Variants in TLN2 observed in about 807,000 individuals in gnomAD.
The protein encoded by TLN2 is talin 2.
TLN2 carries 118 observed loss-of-function variants against 294.7 expected under a neutral mutation model. That is an observed-to-expected ratio of 0.40 (90% CI 0.34 to 0.47). TLN2 has a LOEUF of 0.47. Ranked by LOEUF, TLN2 falls within the 20% of genes least tolerant of loss-of-function variation. TLN2 has a pLI of 0.84. For synonymous variants in TLN2, 1,431 were observed against 1,304.5 expected, an observed-to-expected ratio of 1.10 and a Z score of -2.09; for missense variants, 3,083 against 3,282.2, an observed-to-expected ratio of 0.94 and a Z score of 1.48.
At chr15:62,482,188 C>A (rs1420846439) in intron 1 of TLN2, among the ~76,000 whole-genome samples, 1 of 152,164 alleles carries the variant, frequency 6.6e-6, no homozygotes, top group East Asian at 1.9e-4. Flanking sequence ...CCACCCCTTG[C>A]AATATATAAA....
intron 1 of TLN2, among the ~76,000 whole-genome samples, chr15:62,559,322 G>A (rs1480364854): frequency 6.6e-6 from 1 of 152,146 alleles, no homozygotes; most frequent in East Asian, 1.9e-4. Flanking sequence ...AAGTAACTGA[G>A]GCCAGCGGAT....
chr15:62,727,605 G>A (rs1436460109), intron 28 of TLN2, among the ~76,000 whole-genome samples: 1 of 152,230 alleles, frequency 6.6e-6, no homozygotes, highest in South Asian at 2.1e-4. Flanking sequence ...AAGCTGAGGG[G>A]TAGGGGAACC....
rs1287765964 is a variant in TLN2 at position 62,603,476 on chromosome 15, TGC to T, written c.-162+13715_-162+13716del. Among the ~76,000 whole-genome samples, 4 of 152,354 alleles carry T rather than the reference TGC, an allele frequency of 2.6e-5. No homozygotes were observed. In the East Asian group the frequency reaches 5.8e-4, roughly 22 times the overall value. Reference sequence around the variant, plus strand: ...GAGAGTCCTCACTCCTTTGTGTATCTGCCTCTTCCTCCATTATGTGGATTTGT... The same window carrying T: ...GAGAGTCCTCACTCCTTTGTGTATCTCTCTTCCTCCATTATGTGGATTTGT... On this transcript the variant is annotated intron_variant, in intron 2 of 58. Transcript: ENST00000636159.
rs575803227 is a variant in TLN2, at chr15:62,833,643, C to T, written c.7128+14C>T. 2.5e-6 allele frequency: 4 copies of T among 1,613,226 alleles called. No homozygotes were observed. The highest frequency in any genetic ancestry group is 3.4e-6 in the Non-Finnish European group (4 of 1,179,786). ...GCCCAAGGAAAGGTGGGTAAAGCCG[C>T]TGACCACATGCGGGACACTCAACGT... On this transcript the variant is annotated intron_variant, in intron 55 of 58. Coordinates refer to ENST00000636159, the MANE Select transcript of TLN2 (RefSeq NM_015059.3).
intron 3 of TLN2, among the ~76,000 whole-genome samples, chr15:62,624,870 A>G (rs963019861): frequency 6.6e-6 from 1 of 152,228 alleles, no homozygotes; most frequent in Non-Finnish European, 1.5e-5. Context: ...GAAAAAAACA[A>G]TGCAGCTAAG....
At chr15:62,585,069 A>G (rs1020268917) in intron 1 of TLN2, among the ~76,000 whole-genome samples, 7 of 152,158 alleles carry the variant, frequency 4.6e-5, no homozygotes, top group African/African-American at 1.2e-4. Context: ...CTGCCTTTTA[A>G]TGGAATTTGA....
At chr15:62,724,827 C>A in intron 26 of TLN2, 149 bp from the exon 27 acceptor site, 1 of 1,023,196 alleles carries the variant, frequency 9.8e-7, no homozygotes, top group Non-Finnish European at 1.3e-6. Context: ...ATTTTGTTCT[C>A]TCAGAAAAAA....
In TLN2 at chr15:62,702,843, T is replaced by C; in HGVS notation, c.1983T>C (p.Asn661=). 6.2e-7 allele frequency: 1 copy of C among 1,614,148 alleles called. No homozygotes were observed. Among genetic ancestry groups the C allele is most frequent in the Non-Finnish European group, 8.5e-7 (1 of 1,180,016 alleles). ...SGDLLRQIGE[N]ETDERFQDVL... ...ATCTTCTGAGACAGATTGGAGAGAA[T>C]GAGACTGATGAGCGATTCCAGGTAA... The change falls in exon 19 of 59, where the codon AAT becomes AAC. Residue 661 remains asparagine, a synonymous_variant. Transcript: ENST00000636159.
intron 2 of TLN2, among the ~76,000 whole-genome samples, chr15:62,612,926 G>A (rs2048030481): frequency 6.6e-6 from 1 of 152,198 alleles, no homozygotes; most frequent in South Asian, 2.1e-4. Flanking sequence ...GGTAGAACTG[G>A]AAAGGAATGC....
intron 1 of TLN2, among the ~76,000 whole-genome samples, chr15:62,483,660 G>T (rs533605480): frequency 1.3e-5 from 2 of 152,180 alleles, no homozygotes; most frequent in African/African-American, 4.8e-5. Flanking sequence ...GACATAAGAA[G>T]TAGGAGCTCC....
intron 1 of TLN2, among the ~76,000 whole-genome samples, chr15:62,505,150 G>A (rs2039543324): frequency 6.6e-6 from 1 of 152,020 alleles, no homozygotes; most frequent in South Asian, 2.1e-4. Context: ...GTAGAGACGG[G>A]GTTTCACCAT....
chr15:62,566,932 T>C (rs2043448931), intron 1 of TLN2, among the ~76,000 whole-genome samples: 1 of 152,148 alleles, frequency 6.6e-6, no homozygotes, highest in African/African-American at 2.4e-5. Context: ...ATATACAGAA[T>C]TAGAAAGTAA....
chr15:62,633,155 G>A (rs577049443), intron 3 of TLN2, among the ~76,000 whole-genome samples: 2 of 152,306 alleles, frequency 1.3e-5, no homozygotes, highest in Non-Finnish European at 2.9e-5. Flanking sequence ...TGGTATTATA[G>A]CAAGGCACGG....
chr15:62,439,560 G>A (rs112029378), intron 1 of TLN2, among the ~76,000 whole-genome samples: 1 of 152,244 alleles, frequency 6.6e-6, no homozygotes, highest in African/African-American at 2.4e-5. Flanking sequence ...TGATCTGCCC[G>A]CCTTGGCCTC....
chr15:62,552,069 G>T (rs2042348565), intron 1 of TLN2, among the ~76,000 whole-genome samples: 1 of 152,110 alleles, frequency 6.6e-6, no homozygotes, highest in South Asian at 2.1e-4. Context: ...GTTGTCGTGG[G>T]CTGTCTTGGG....
chr15:62,631,576 C>CCTTTCCTTTG (rs2049871416), intron 3 of TLN2, among the ~76,000 whole-genome samples: 1 of 130,418 alleles, frequency 7.7e-6, no homozygotes, highest in African/African-American at 2.9e-5. Flanking sequence ...CCTTTCCTTT[C>CCTTTCCTTTG]TTTCTCTCTC....
chr15:62,547,112 C>T (rs894318244), intron 1 of TLN2, among the ~76,000 whole-genome samples: 2 of 152,166 alleles, frequency 1.3e-5, no homozygotes, highest in East Asian at 3.8e-4. Context: ...AATAAGCTCC[C>T]AATTATTATA....
At chr15:62,744,832 C>T (rs950534247) in intron 32 of TLN2, among the ~76,000 whole-genome samples, 1 of 152,174 alleles carries the variant, frequency 6.6e-6, no homozygotes, top group African/African-American at 2.4e-5. Flanking sequence ...AGGCGTGAGT[C>T]ACCGCGCCTG....
intron 1 of TLN2, among the ~76,000 whole-genome samples, chr15:62,413,359 A>T (rs1174520302): frequency 6.6e-6 from 1 of 152,174 alleles, no homozygotes; most frequent in African/African-American, 2.4e-5. Flanking sequence ...AATTACAATG[A>T]TTGGATCCAG....
Sources: gnomAD v4.1 joint callset for allele counts (sites outside exome capture counted in the v4.1 genomes callset) on GRCh38, gnomAD v4.1.1 for gene constraint, MANE v1.5 for transcripts, NCBI Gene and HGNC (gene_info 2026-07-23, HGNC 2026-07-21) for gene names.